NUSAP1: variants seen among roughly 807,000 people sequenced by gnomAD.
The protein encoded by NUSAP1 is nucleolar and spindle-associated protein 1.
A neutral mutation model predicts 52.8 loss-of-function variants in NUSAP1; 32 were observed. The ratio of observed to expected loss-of-function variants is 0.61; its 90% CI spans 0.46 to 0.81. The LOEUF is 0.81. NUSAP1 is among the 40% of genes least tolerant of loss of function. The pLI is 0.00. For missense variants in NUSAP1, 499 were observed against 522.3 expected (o/e 0.96, Z 0.43); for synonymous variants, 195 against 183.1 (o/e 1.06, Z -0.52).
chr15:41,364,262 G>C (rs191481717), intron 6 of NUSAP1, among the ~76,000 whole-genome samples: 1 of 151,958 alleles, frequency 6.6e-6, no homozygotes, highest in Non-Finnish European at 1.5e-5. Context: ...AAAATGTCTG[G>C]CTAGGCTGGG....
chr15:41,361,433 T>A (rs911481652), intron 6 of NUSAP1, among the ~76,000 whole-genome samples: 1 of 151,612 alleles, frequency 6.6e-6, no homozygotes, highest in Non-Finnish European at 1.5e-5. Flanking sequence ...TTTAAAAAAA[T>A]GTTTCAGCCA....
rs1427823890 is a variant in NUSAP1, at chr15:41,351,044, G to A, written c.363G>A (p.Lys121=). Residue 121 remains lysine (K), a synonymous_variant, in exon 4 of 11, where the codon AAG becomes AAA. Coordinates refer to ENST00000559596, the MANE Select transcript of NUSAP1 (RefSeq NM_016359.5). The stretch of plus-strand genomic sequence containing the variant: ...CCACTGAATTCCAGAATCATGAAAA[G>A]CAGGAAAGCCAGGATCTCAGAGCTA... The part of the protein sequence containing the change: ...SNPTEFQNHE[K]QESQDLRATA... 1 of 1,613,250 alleles carries A rather than the reference G, an allele frequency of 6.2e-7. No homozygotes were observed. The highest frequency in any genetic ancestry group is 1.7e-5 in the Admixed American group (1 of 59,932).
At chr15:41,334,218 AAGCG>A (rs2140485024) in intron 1 of NUSAP1, among the ~76,000 whole-genome samples, 1 of 152,276 alleles carries the variant, frequency 6.6e-6, no homozygotes, top group African/African-American at 2.4e-5. Context: ...TCCTGGGTTC[AAGCG>A]ATTCTCCTGC....
intron 1 of NUSAP1, among the ~76,000 whole-genome samples, chr15:41,337,298 C>T (rs967583806): frequency 2.6e-5 from 4 of 152,136 alleles, no homozygotes; most frequent in African/African-American, 9.7e-5. Flanking sequence ...GGATTACAGG[C>T]GTGAGACCCT....
chr15:41,338,794 A>T (rs1300702444), intron 1 of NUSAP1, among the ~76,000 whole-genome samples: 1 of 86,920 alleles, frequency 1.2e-5, no homozygotes, highest in Non-Finnish European at 2.8e-5. Context: ...CGTCTCTACT[A>T]AAAAAAAAAA....
chr15:41,334,569 C>CT lies in NUSAP1; in HGVS notation c.93+1525dup. Among the ~76,000 whole-genome samples the CT allele has an allele frequency of 3.3e-5, 5 of 152,318 alleles. No individual in the cohort carries two copies. In the South Asian group the frequency reaches 1.0e-3, roughly 32 times the overall value. On this transcript the variant is annotated intron_variant, in intron 1 of 10. Transcript: ENST00000559596. ...AATATCTCAGCCTAAATTCCTTAGG[C>CT]TTTTTTGCTGCCTAGCTAGAATCTT...
intron 6 of NUSAP1, among the ~76,000 whole-genome samples, chr15:41,360,676 C>T (rs994788939): frequency 1.3e-5 from 2 of 151,836 alleles, no homozygotes; most frequent in East Asian, 1.9e-4. Context: ...AGGCTGGTCT[C>T]GATCTCCTGA....
chr15:41,365,587 C>T lies in NUSAP1; in HGVS notation c.846C>T (p.Val282=). The change falls in exon 7 of 11, where the codon GTC becomes GTT. Residue 282 remains valine, a splice_region_variant and synonymous_variant. Transcript: ENST00000559596. ...RSAISAAKTG[V]RFSAATKDNE... ...CTATCTCTGCAGCTAAAACGGGTGT[C>T]AGGTAAAGAAATCACTCCAAAATGT... 2.5e-6 allele frequency: 4 copies of T among 1,586,704 alleles called. No homozygotes were observed. Among genetic ancestry groups the T allele is most frequent in the Non-Finnish European group, 3.4e-6 (4 of 1,162,124 alleles).
chr15:41,354,826 G>A (rs2048903343), intron 4 of NUSAP1, among the ~76,000 whole-genome samples: 1 of 151,486 alleles, frequency 6.6e-6, no homozygotes, highest in South Asian at 2.1e-4. Flanking sequence ...AAACCATCCT[G>A]GCTAACACGG....
intron 7 of NUSAP1, among the ~76,000 whole-genome samples, chr15:41,370,711 T>C (rs137865739): frequency 0.011 from 1,611 of 141,280 alleles, 35 homozygotes; most frequent in African/African-American, 0.041. Flanking sequence ...CATCGCACCA[T>C]TGCACTCCAG....
chr15:41,348,621 A>G (rs768588534), intron 2 of NUSAP1, among the ~76,000 whole-genome samples: 8 of 152,100 alleles, frequency 5.3e-5, no homozygotes, highest in Non-Finnish European at 1.0e-4. Context: ...TAAATAATCT[A>G]TAAGGGTTTG....
At chr15:41,375,634 A>C (rs778801403) in intron 8 of NUSAP1, 78 bp from the exon 9 acceptor site, 73 of 951,848 alleles carry the variant, frequency 7.7e-5, no homozygotes, top group Non-Finnish European at 1.2e-4. Context: ...TTTAAGATTG[A>C]GAAGTAACAC....
At chr15:41,358,281 T>G (rs1479652562) in intron 6 of NUSAP1, 23 bp downstream of exon 6, 5 of 1,076,168 alleles carry the variant, frequency 4.6e-6, no homozygotes, top group Non-Finnish European at 7.1e-6. Context: ...AATTATGTTC[T>G]TAATGGAACT....
At position 41,371,702 on chromosome 15, in the gene NUSAP1, C is replaced by T; in HGVS notation, c.1006+18C>T. 3.6e-6 allele frequency: 5 copies of T among 1,406,760 alleles called. No homozygotes were observed. The highest frequency in any genetic ancestry group is 4.8e-6 in the Non-Finnish European group (5 of 1,039,984). 87.1% of individuals were successfully genotyped at this position (1,406,760 alleles called of 1,614,324 possible). The stretch of plus-strand genomic sequence containing the variant: ...TGCTGCTGGTAAAAAAAAAAAAAAA[C>T]AAAAGAAATCTGTTTCATTTTTAAG... On this transcript the variant is annotated intron_variant, in intron 8 of 10. Transcript: ENST00000559596.
Position 41,332,901 on chromosome 15 carries a change from C to T in NUSAP1, c.-57C>T. The T allele has an allele frequency of 7.2e-7, 1 of 1,384,650 alleles. No homozygotes were observed. Among genetic ancestry groups the T allele is most frequent in the South Asian group, 1.2e-5 (1 of 81,760 alleles). 85.8% of individuals were successfully genotyped at this position (1,384,650 alleles called of 1,614,324 possible). A position where few individuals can be genotyped will look rare whatever the true frequency, so the allele number is the denominator to read the frequency against. On this transcript the variant is annotated 5_prime_UTR_variant, in exon 1 of 11. Transcript: ENST00000559596. ...TAAGAGTGGCGCCAGGGATTTGAAC[C>T]GCGCTGACGAAGTTTGGTGATCCAT... is the stretch of plus-strand genomic sequence containing the variant.
At position 41,371,539 on chromosome 15, in the gene NUSAP1, T is replaced by C; in HGVS notation, c.861T>C (p.Ala287=). 2 of 1,597,942 alleles carry C rather than the reference T, an allele frequency of 1.3e-6. No homozygotes were observed. Among genetic ancestry groups the C allele is most frequent in the Non-Finnish European group, 1.7e-6 (2 of 1,175,598 alleles). ...AAKTGVRFSA[A]TKDNEHKRSL... is the part of the protein sequence containing the mutation. ...CTGTCCTATTTAGGTTTTCAGCTGC[T>C]ACTAAAGATAATGAGCATAAGCGTT... Residue 287 remains alanine (A), a synonymous_variant, in exon 8 of 11, where the codon GCT becomes GCC. Coordinates refer to ENST00000559596, the MANE Select transcript of NUSAP1 (RefSeq NM_016359.5).
intron 5 of NUSAP1, 68 bp from the exon 6 acceptor site, chr15:41,358,081 G>GA (rs1484362537): frequency 2.8e-6 from 2 of 702,078 alleles, no homozygotes; most frequent in Non-Finnish European, 4.8e-6. Flanking sequence ...AGTGTTAACA[G>GA]AAAAACACAG....
chr15:41,372,433 T>G (rs2049739925), intron 8 of NUSAP1, among the ~76,000 whole-genome samples: 2 of 152,328 alleles, frequency 1.3e-5, no homozygotes, highest in South Asian at 4.1e-4. Flanking sequence ...TATTTTACTA[T>G]TCACGAACAT....
chr15:41,346,698 G>A (rs905436551), intron 2 of NUSAP1, among the ~76,000 whole-genome samples: 13 of 151,462 alleles, frequency 8.6e-5, no homozygotes, highest in African/African-American at 2.4e-4. Context: ...GTGGTGGCAC[G>A]CACCTGTAGT....
Sources: allele counts gnomAD v4.1 joint callset (sites outside exome capture counted in the v4.1 genomes callset), GRCh38; gene constraint gnomAD v4.1.1; transcripts MANE v1.5; gene names NCBI Gene and HGNC (gene_info 2026-07-23, HGNC 2026-07-21).